Variants in ADGRB3 observed in about 807,000 individuals in gnomAD.
The protein encoded by ADGRB3 is adhesion G protein-coupled receptor B3, also known as brain-specific angiogenesis inhibitor 3.
In ADGRB3, 37 loss-of-function variants were observed where a neutral mutation model predicts 193.4. The ratio of observed to expected loss-of-function variants is 0.19; its 90% CI spans 0.15 to 0.25. The LOEUF is 0.25. ADGRB3 is among the 10% of genes least tolerant of loss of function. The pLI is 1.00. For synonymous variants in ADGRB3, 690 were observed against 644.2 expected, an observed-to-expected ratio of 1.07 and a Z score of -1.08; for missense variants, 1,637 against 1,852.9, an observed-to-expected ratio of 0.88 and a Z score of 2.14.
intron 3 of ADGRB3, among the ~76,000 whole-genome samples, chr6:68,661,227 A>C (rs904142870): frequency 2.0e-5 from 3 of 148,558 alleles, no homozygotes; most frequent in Non-Finnish European, 4.5e-5. Context: ...ATAAATACCC[A>C]AAATGAGAAG....
rs535696197 is a variant in ADGRB3 at position 69,329,212 on chromosome 6, A to G, written c.3036-1294A>G. 2.0e-5 allele frequency among the ~76,000 whole-genome samples: 3 copies of G among 152,280 alleles called. No individual in the cohort carries two copies. The East Asian group carries it at 5.8e-4, about 29-fold the overall frequency. ...TTACACAAAAATACAGTGGGAATTT[A>G]GTGGCAGTCTTAGAGACACAATCTA... On this transcript the variant is annotated intron_variant, in intron 22 of 31. Transcript: ENST00000370598.
At chr6:69,205,677 A>T (rs114809792) in intron 17 of ADGRB3, among the ~76,000 whole-genome samples, 3 of 152,072 alleles carry the variant, frequency 2.0e-5, no homozygotes, top group African/African-American at 7.2e-5. Flanking sequence ...TGGGCCAAAC[A>T]TATCTTTTTA....
intron 16 of ADGRB3, among the ~76,000 whole-genome samples, chr6:69,066,807 A>T (rs547160152): frequency 6.6e-6 from 1 of 152,096 alleles, no homozygotes; most frequent in East Asian, 1.9e-4. Context: ...TATACTCATC[A>T]AATTTTTAGA....
chr6:69,291,599 C>T (rs1206746046), intron 20 of ADGRB3, among the ~76,000 whole-genome samples: 1 of 152,044 alleles, frequency 6.6e-6, no homozygotes, highest in African/African-American at 2.4e-5. Flanking sequence ...TTGGGTTACT[C>T]ATAAAAACAT....
At chr6:69,221,903 C>T (rs1765906431) in intron 17 of ADGRB3, among the ~76,000 whole-genome samples, 2 of 151,972 alleles carry the variant, frequency 1.3e-5, no homozygotes, top group African/African-American at 4.8e-5. Context: ...TACTGGCCAC[C>T]CATGACTTAA....
intron 6 of ADGRB3, among the ~76,000 whole-genome samples, chr6:68,949,052 G>T (rs895836006): frequency 2.6e-5 from 4 of 151,944 alleles, no homozygotes; most frequent in African/African-American, 9.7e-5. Context: ...TAATTAGGTA[G>T]AAATACTTTG....
intron 3 of ADGRB3, among the ~76,000 whole-genome samples, chr6:68,811,716 C>A (rs191969448): frequency 6.6e-6 from 1 of 152,060 alleles, no homozygotes; most frequent in Admixed American, 6.5e-5. Context: ...ATGATCCACC[C>A]GCTTTGGGCT....
chr6:69,359,164 G>A (rs144340456), intron 28 of ADGRB3, among the ~76,000 whole-genome samples: 5 of 151,270 alleles, frequency 3.3e-5, no homozygotes, highest in African/African-American at 9.7e-5. Context: ...ATAAATTTTG[G>A]AATTATTTTT....
chr6:69,147,412 C>T (rs192698198), intron 17 of ADGRB3, among the ~76,000 whole-genome samples: 70 of 152,166 alleles, frequency 4.6e-4, no homozygotes, highest in African/African-American at 1.5e-3. Flanking sequence ...ACTGGTCATT[C>T]GGGAACATAT....
At chr6:69,163,879 G>A (rs1775062044) in intron 17 of ADGRB3, among the ~76,000 whole-genome samples, 1 of 151,958 alleles carries the variant, frequency 6.6e-6, no homozygotes, top group South Asian at 2.1e-4. Context: ...GATCCTTCAG[G>A]TATTGCATTA....
At chr6:68,814,907 G>T (rs1198069816) in intron 3 of ADGRB3, among the ~76,000 whole-genome samples, 1 of 152,098 alleles carries the variant, frequency 6.6e-6, no homozygotes, top group Non-Finnish European at 1.5e-5. Flanking sequence ...CTCAATAGAT[G>T]CAGAAAAGGC....
At chr6:69,079,688 A>C (rs1018329360) in intron 17 of ADGRB3, among the ~76,000 whole-genome samples, 22 of 152,048 alleles carry the variant, frequency 1.4e-4, no homozygotes, top group Non-Finnish European at 2.9e-4. Context: ...TAATTTGCAC[A>C]TTCTTTGAGC....
At chr6:69,183,218 G>T (rs1268268924) in intron 17 of ADGRB3, among the ~76,000 whole-genome samples, 2 of 151,994 alleles carry the variant, frequency 1.3e-5, no homozygotes, top group East Asian at 1.9e-4. Flanking sequence ...ATTTTGAATT[G>T]TCATATTATA....
rs185408500 is a variant in ADGRB3 at position 69,059,329 on chromosome 6, T to C, written c.2334-3605T>C. Among the ~76,000 whole-genome samples the C allele has an allele frequency of 4.3e-4, 66 of 152,220 alleles. 1 individual carries two copies. The highest frequency in any genetic ancestry group is 1.5e-3 in the African/African-American group (62 of 41,558). On this transcript the variant is annotated intron_variant, in intron 15 of 31. Coordinates refer to ENST00000370598, the MANE Select transcript of ADGRB3 (RefSeq NM_001704.3). ...TAGGATGTTTTATCCATACTTTTACTTTCAGTCTATGGATGCCCTTATATA... is the reference window on the plus strand; with the variant it reads ...TAGGATGTTTTATCCATACTTTTACCTTCAGTCTATGGATGCCCTTATATA...
intron 3 of ADGRB3, among the ~76,000 whole-genome samples, chr6:68,802,181 T>A (rs1257626256): frequency 2.9e-5 from 4 of 138,050 alleles, no homozygotes; most frequent in Non-Finnish European, 4.7e-5. Flanking sequence ...AATGCACATA[T>A]GCGTGTGTGT....
At chr6:68,700,173 C>G (rs909795533) in intron 3 of ADGRB3, among the ~76,000 whole-genome samples, 1 of 151,958 alleles carries the variant, frequency 6.6e-6, no homozygotes, top group African/African-American at 2.4e-5. Flanking sequence ...CCTAGGTGGA[C>G]CAGGGCAAAG....
intron 17 of ADGRB3, among the ~76,000 whole-genome samples, chr6:69,202,442 A>G (rs747024202): frequency 5.3e-5 from 8 of 151,936 alleles, no homozygotes; most frequent in Non-Finnish European, 1.0e-4. Context: ...AATCTGTACT[A>G]CCCACTCCAC....
In ADGRB3 at chr6:69,040,694, A is replaced by C. The variant is rs1388279887; in HGVS notation, c.2108-7491A>C. Among the ~76,000 whole-genome samples the C allele has an allele frequency of 2.5e-4, 37 of 146,004 alleles. 1 individual carries two copies. In the South Asian group the frequency reaches 3.9e-3, roughly 15 times the overall value. On this transcript the variant is annotated intron_variant, in intron 13 of 31. Transcript: ENST00000370598. Reference sequence around the variant, plus strand: ...GATGGACAAAAAAAAAAAAAAAAAAAAAAAAAAAAAAAAAACAAACAAGAA... The same window carrying C: ...GATGGACAAAAAAAAAAAAAAAAAACAAAAAAAAAAAAAAACAAACAAGAA...
intron 17 of ADGRB3, among the ~76,000 whole-genome samples, chr6:69,194,924 G>T (rs1209055199): frequency 6.6e-6 from 1 of 152,078 alleles, no homozygotes; most frequent in Admixed American, 6.6e-5. Context: ...CTGGTATATA[G>T]CAAGCATTCA....
Sources: allele counts gnomAD v4.1 joint callset (sites outside exome capture counted in the v4.1 genomes callset), GRCh38; gene constraint gnomAD v4.1.1; transcripts MANE v1.5; gene names NCBI Gene and HGNC (gene_info 2026-07-23, HGNC 2026-07-21).